The following GRM1 variants were observed in gnomAD, a reference collection of about 807,000 sequenced individuals.
The protein encoded by GRM1 is metabotropic glutamate receptor 1.
A neutral mutation model predicts 90.9 loss-of-function variants in GRM1; 33 were observed. That is an observed-to-expected ratio of 0.36 (90% CI 0.28 to 0.49). The LOEUF (loss-of-function observed/expected upper bound fraction) is 0.49. Ranked by LOEUF, GRM1 falls within the 20% of genes least tolerant of loss-of-function variation. The pLI is 0.99. For missense variants in GRM1, 1,190 were observed against 1,534.3 expected, an observed-to-expected ratio of 0.78 and a Z score of 3.75; for synonymous variants, 700 against 613.2, an observed-to-expected ratio of 1.14 and a Z score of -2.09.
chr6:146,346,821 A>G (rs756362991), intron 3 of GRM1, among the ~76,000 whole-genome samples: 11 of 152,230 alleles, frequency 7.2e-5, no homozygotes, highest in Non-Finnish European at 1.5e-4. Flanking sequence ...ATTGTATCAA[A>G]TTAGGTATTG....
At chr6:146,143,876 C>A (rs940215718) in intron 1 of GRM1, among the ~76,000 whole-genome samples, 34 of 152,142 alleles carry the variant, frequency 2.2e-4, no homozygotes, top group Non-Finnish European at 3.7e-4. Flanking sequence ...CTAGTACAAA[C>A]CCTGTATTTT....
intron 1 of GRM1, 152 bp downstream of exon 1, chr6:146,030,369 T>TA (rs1307346033): frequency 2.9e-6 from 2 of 700,434 alleles, no homozygotes; most frequent in Non-Finnish European, 5.1e-6. Context: ...CATTGCCTTT[T>TA]ATCCTCATTT....
intron 1 of GRM1, among the ~76,000 whole-genome samples, chr6:146,143,936 G>C (rs925196206): frequency 4.6e-5 from 7 of 152,198 alleles, no homozygotes; most frequent in African/African-American, 1.7e-4. Context: ...GTCATAGCTA[G>C]TTAGAGGCAA....
chr6:146,413,551 C>T (rs887513677), intron 7 of GRM1, among the ~76,000 whole-genome samples: 4 of 151,988 alleles, frequency 2.6e-5, no homozygotes, highest in African/African-American at 9.7e-5. Context: ...CCTTTTTATT[C>T]TCTCATTTCA....
At chr6:146,034,100 C>T (rs1790799850) in intron 1 of GRM1, among the ~76,000 whole-genome samples, 1 of 152,044 alleles carries the variant, frequency 6.6e-6, no homozygotes, top group African/African-American at 2.4e-5. Flanking sequence ...ACGCTCAAAG[C>T]TTTCTAATTG....
intron 2 of GRM1, among the ~76,000 whole-genome samples, chr6:146,175,889 G>C (rs1327844417): frequency 6.6e-6 from 1 of 152,072 alleles, no homozygotes; most frequent in Non-Finnish European, 1.5e-5. Context: ...ATAATACTCG[G>C]GTTGTCTAAA....
At chr6:146,391,847 C>T (rs1423626245) in intron 6 of GRM1, among the ~76,000 whole-genome samples, 1 of 152,006 alleles carries the variant, frequency 6.6e-6, no homozygotes. Flanking sequence ...CTAGCATCTT[C>T]CCAAGAGATA....
intron 1 of GRM1, among the ~76,000 whole-genome samples, chr6:146,105,083 A>G (rs1379947257): frequency 6.6e-6 from 1 of 152,146 alleles, no homozygotes; most frequent in East Asian, 1.9e-4. Context: ...TGTTTTGTAA[A>G]GTTTTCTGTG....
chr6:146,335,678 A>AT (rs1304452130), intron 3 of GRM1, among the ~76,000 whole-genome samples: 4 of 152,086 alleles, frequency 2.6e-5, no homozygotes, highest in Non-Finnish European at 5.9e-5. Context: ...CAAAATGGTA[A>AT]TTTTTTTAAT....
intron 3 of GRM1, 135 bp from the exon 4 acceptor site, chr6:146,352,115 A>G: frequency 1.2e-6 from 1 of 806,144 alleles, no homozygotes; most frequent in East Asian, 2.5e-5. Context: ...AAGCTTGCAC[A>G]GGTGGGCGTG....
intron 5 of GRM1, among the ~76,000 whole-genome samples, chr6:146,377,017 C>T (rs368781090): frequency 1.6e-4 from 24 of 152,110 alleles, no homozygotes; most frequent in African/African-American, 5.8e-4. Flanking sequence ...GTGACTTTAC[C>T]CCTCCTTTGC....
chr6:146,337,934 G>A (rs1784833379), intron 3 of GRM1, among the ~76,000 whole-genome samples: 11 of 152,148 alleles, frequency 7.2e-5, no homozygotes, highest in Admixed American at 7.2e-4. Flanking sequence ...TCTACTGCTG[G>A]TCAGGATGTG....
At chr6:146,203,260 G>C (rs1385980720) in intron 2 of GRM1, among the ~76,000 whole-genome samples, 1 of 151,596 alleles carries the variant, frequency 6.6e-6, no homozygotes, top group Non-Finnish European at 1.5e-5. Context: ...AATGTTAGTG[G>C]TTTAATGCAG....
chr6:146,381,973 A>G (rs112759095), intron 5 of GRM1, among the ~76,000 whole-genome samples: 2,745 of 152,292 alleles, frequency 0.018, 76 homozygotes, highest in African/African-American at 0.063. Context: ...TAAGACACTC[A>G]CAGTGTACAT....
chr6:146,233,965 C>T (rs1368377217), intron 2 of GRM1, among the ~76,000 whole-genome samples: 1 of 151,988 alleles, frequency 6.6e-6, no homozygotes, highest in Non-Finnish European at 1.5e-5. Flanking sequence ...TTGCTTTATA[C>T]ATTATAAGGT....
At chr6:146,275,518 C>G (rs964975610) in intron 2 of GRM1, among the ~76,000 whole-genome samples, 1 of 152,064 alleles carries the variant, frequency 6.6e-6, no homozygotes, top group South Asian at 2.1e-4. Context: ...TTCTCTCTCT[C>G]GCTCTCTGTC....
intron 2 of GRM1, among the ~76,000 whole-genome samples, chr6:146,223,772 T>A (rs1260091376): frequency 6.6e-6 from 1 of 152,112 alleles, no homozygotes; most frequent in Non-Finnish European, 1.5e-5. Flanking sequence ...AGATTCTGGG[T>A]TTACATTTGC....
chr6:146,081,972 C>T (rs1052344098), intron 1 of GRM1, among the ~76,000 whole-genome samples: 6 of 152,012 alleles, frequency 3.9e-5, no homozygotes, highest in African/African-American at 1.2e-4. Context: ...GGGATTTTAG[C>T]GAGTAGAGAC....
At chr6:146,146,261 G>C (rs1026643748) in intron 1 of GRM1, among the ~76,000 whole-genome samples, 5 of 150,876 alleles carry the variant, frequency 3.3e-5, no homozygotes, top group African/African-American at 1.2e-4. Context: ...GCTAATTTTT[G>C]TATTTTTAGT....
Sources: gnomAD v4.1 joint callset for allele counts (sites outside exome capture counted in the v4.1 genomes callset) on GRCh38, gnomAD v4.1.1 for gene constraint, MANE v1.5 for transcripts, NCBI Gene and HGNC (gene_info 2026-07-23, HGNC 2026-07-21) for gene names.